The following LAMB4 variants were observed in gnomAD, a reference collection of about 807,000 sequenced individuals.
LAMB4 encodes the protein laminin subunit beta 4.
Under a neutral mutation model 199.2 loss-of-function variants are expected in LAMB4, and 196 were observed. That is an observed-to-expected ratio of 0.98 (90% CI 0.88 to 1.11). The LOEUF (loss-of-function observed/expected upper bound fraction) is 1.11. LAMB4 is among the 50% of genes least tolerant of loss of function. The pLI, the probability that LAMB4 is intolerant of heterozygous loss-of-function variation, is 0.00. For synonymous variants in LAMB4, 744 were observed against 770.6 expected (o/e 0.97, Z 0.57); for missense variants, 2,080 against 2,171.2 (o/e 0.96, Z 0.83).
At chr7:108,062,625 G>A (rs1405743749) in intron 23 of LAMB4, 149 bp downstream of exon 23, 2 of 436,840 alleles carry the variant, frequency 4.6e-6, no homozygotes, top group Non-Finnish European at 7.9e-6. Flanking sequence ...TTCCTTGATA[G>A]AGGCTGACTC....
chr7:108,097,262 T>C (rs2037643101), intron 11 of LAMB4, among the ~76,000 whole-genome samples: 2 of 152,166 alleles, frequency 1.3e-5, no homozygotes, highest in African/African-American at 2.4e-5. Context: ...TGGAAATTAT[T>C]TACCCAGGGT....
At position 108,084,599 on chromosome 7, in the gene LAMB4, T is replaced by C. The variant is rs117893134; in HGVS notation, c.1702-4813A>G. On this transcript the variant is annotated intron_variant, in intron 14 of 33. Transcript: ENST00000388781. ...ACACGGGCCAATGAACACAGAATTC[T>C]GGTGGACCTACTATGCCTGGGATTT... Among the ~76,000 whole-genome samples, 72 of 152,256 alleles carry C rather than the reference T, an allele frequency of 4.7e-4. 1 individual carries two copies. The East Asian group carries it at 0.011, about 23-fold the overall frequency.
intron 26 of LAMB4, 46 bp from the exon 27 acceptor site, chr7:108,049,577 T>C (rs372198808): frequency 1.0e-5 from 11 of 1,048,718 alleles, no homozygotes; most frequent in Non-Finnish European, 1.6e-5. Context: ...TGAAAACAAA[T>C]GAAATTATAT....
intron 11 of LAMB4, among the ~76,000 whole-genome samples, chr7:108,096,939 C>CAAAAAA (rs746917278): frequency 3.8e-5 from 2 of 52,834 alleles, no homozygotes; most frequent in Non-Finnish European, 6.5e-5. Flanking sequence ...CTGTCTCTCT[C>CAAAAAA]AAAAAAAAAA....
At chr7:108,066,347 A>G (rs748109228) in intron 20 of LAMB4, 22 bp downstream of exon 20, 8 of 1,562,338 alleles carry the variant, frequency 5.1e-6, no homozygotes, top group Non-Finnish European at 6.2e-6. Flanking sequence ...CCTAAAAATT[A>G]AAGTGCATAT....
At chr7:108,048,495 A>G (rs17134747) in intron 27 of LAMB4, among the ~76,000 whole-genome samples, 6,740 of 152,114 alleles carry the variant, frequency 0.044, 334 homozygotes, top group African/African-American at 0.13. Flanking sequence ...CCTTGAGTCA[A>G]GGCACTGCTT....
intron 6 of LAMB4, 79 bp downstream of exon 6, chr7:108,107,552 C>A (rs760697297): frequency 1.6e-5 from 19 of 1,152,734 alleles, no homozygotes; most frequent in Non-Finnish European, 2.2e-5. Context: ...TAAACACTAT[C>A]GAAAGTTTTT....
At chr7:108,119,161 G>A (rs995839448) in intron 2 of LAMB4, among the ~76,000 whole-genome samples, 10 of 152,190 alleles carry the variant, frequency 6.6e-5, no homozygotes, top group Non-Finnish European at 1.3e-4. Context: ...AGGATGTGAA[G>A]ATCCCGCATA....
chr7:108,033,204 C>G lies in LAMB4; in HGVS notation c.4818+1004G>C, dbSNP rs183467421. On this transcript the variant is annotated intron_variant, in intron 31 of 33. Coordinates refer to ENST00000388781, the MANE Select transcript of LAMB4 (RefSeq NM_007356.3). ...TTATACTTTGTGGCCTATAAAGTCTCTATCCCAAATATTTAACTCTCTGTC... is the reference window on the plus strand; with the variant it reads ...TTATACTTTGTGGCCTATAAAGTCTGTATCCCAAATATTTAACTCTCTGTC... Among the ~76,000 whole-genome samples the G allele has an allele frequency of 3.0e-3, 458 of 152,288 alleles. 5 individuals carry two copies. The highest frequency in any genetic ancestry group is 0.011 in the African/African-American group (439 of 41,546).
At chr7:108,081,384 T>C (rs1563074604) in intron 14 of LAMB4, among the ~76,000 whole-genome samples, 2 of 152,224 alleles carry the variant, frequency 1.3e-5, no homozygotes, top group African/African-American at 4.8e-5. Flanking sequence ...TTGCCTCCAG[T>C]GTATGCCCCT....
At chr7:108,063,698 A>G in intron 22 of LAMB4, 63 bp downstream of exon 22, 1 of 1,400,772 alleles carries the variant, frequency 7.1e-7, no homozygotes, top group Non-Finnish European at 1.0e-6. Context: ...GGGAGAGCTG[A>G]CAACACACTT....
rs143925899 is a variant in LAMB4, at chr7:108,038,882, G to C, written c.4472-1287C>G. Among the ~76,000 whole-genome samples, 174 of 152,214 alleles carry C rather than the reference G, an allele frequency of 1.1e-3. 2 individuals are homozygous for C. In the East Asian group the frequency reaches 0.029, roughly 25 times the overall value. On this transcript the variant is annotated intron_variant, in intron 29 of 33. Transcript: ENST00000388781. ...CTAGACAAGGATCTTATCCTCAGGG[G>C]GCTTGCCGTCAGGTGAGGACCTATA...
chr7:108,116,118 AC>A lies in LAMB4; in HGVS notation c.77del (p.Gly26ValfsTer26), dbSNP rs867392473. ...YSKAQDDCNR[G>X]ACHPTTGDLL... ...GATCACCAGTGGTGGGATGACAGGC[AC>A]CCCTGTTGCAGTCATCTTGAGCTTT... On this transcript the variant is annotated frameshift_variant, in exon 3 of 34. Coordinates refer to ENST00000388781, the MANE Select transcript of LAMB4 (RefSeq NM_007356.3). LOFTEE classifies it high-confidence loss of function. 3.7e-6 allele frequency: 6 copies of A among 1,613,856 alleles called. No individual in the cohort carries two copies. The highest frequency in any genetic ancestry group is 3.3e-5 in the Admixed American group (2 of 59,978).
Position 108,078,277 on chromosome 7 carries a change from G to A in LAMB4, c.1927C>T (p.Pro643Ser), listed in dbSNP as rs754438319. The A allele has an allele frequency of 6.5e-5, 104 of 1,610,346 alleles. No homozygotes were observed. The highest frequency in any genetic ancestry group is 8.7e-5 in the Non-Finnish European group (102 of 1,178,536). ...DWTVQIVVNP[P>S]GGSEHCIPKT... ...GGTATGCAGTGCTCACTCCCTCCAGGGGGGTTCACCACAATCTGGACAGTC... is the reference window on the plus strand; with the variant it reads ...GGTATGCAGTGCTCACTCCCTCCAGAGGGGTTCACCACAATCTGGACAGTC... The change falls in exon 16 of 34, where the codon CCT becomes TCT. Residue 643 changes from proline (P) to serine (S), a missense_variant. Physicochemically the swap from Pro to Ser is moderately conservative, Grantham distance 74. Transcript: ENST00000388781.
At chr7:108,128,686 AC>A (rs897886717) in intron 1 of LAMB4, among the ~76,000 whole-genome samples, 10 of 152,216 alleles carry the variant, frequency 6.6e-5, no homozygotes, top group African/African-American at 2.4e-4. Flanking sequence ...CCACAGCTGC[AC>A]ATACAGCGCA....
At chr7:108,069,285 C>T (rs1164337149) in intron 18 of LAMB4, among the ~76,000 whole-genome samples, 1 of 152,216 alleles carries the variant, frequency 6.6e-6, no homozygotes, top group Non-Finnish European at 1.5e-5. Context: ...CAGGCCCCCG[C>T]AGCAAAGAAT....
In LAMB4 at chr7:108,034,308, A is replaced by G. The variant is rs1208504686; in HGVS notation, c.4718T>C (p.Leu1573Ser). 2.5e-6 allele frequency: 4 copies of G among 1,612,362 alleles called. No homozygotes were observed. The highest frequency in any genetic ancestry group is 3.3e-5 in the Admixed American group (2 of 60,004). The change falls in exon 31 of 34, where the codon TTG (leucine) becomes TCG (serine). Residue 1573 changes from leucine (L) to serine (S), a missense_variant. Physicochemically the swap from Leu to Ser is moderately radical, Grantham distance 145. Transcript: ENST00000388781. Reference protein sequence around the residue: ...ANILLNLDKTLNQLQQAQITQ... With the variant: ...ANILLNLDKTSNQLQQAQITQ... ...GATTTGAGCTTGTTGTAACTGGTTC[A>G]ATGTTTTGTCAAGATTTAATAGAAT...
intron 11 of LAMB4, among the ~76,000 whole-genome samples, chr7:108,097,580 C>CA (rs1191014948): frequency 5.3e-5 from 8 of 152,112 alleles, no homozygotes; most frequent in Admixed American, 1.3e-4. Context: ...GGTCAGGAGA[C>CA]AGAGACCATC....
In LAMB4 at chr7:108,107,293, G is replaced by T. The variant is rs73426811; in HGVS notation, c.591+338C>A. ...CCTGGGGTGGTGGTTTACAGAGTAT[G>T]GGGATGAGATAGCTAATGTCAGGCT... On this transcript the variant is annotated intron_variant, in intron 6 of 33. Transcript: ENST00000388781. Among the ~76,000 whole-genome samples, 900 of 152,320 alleles carry T rather than the reference G, an allele frequency of 5.9e-3. 13 individuals carry two copies. The highest frequency in any genetic ancestry group is 0.02 in the African/African-American group (850 of 41,572).
Sources: allele counts gnomAD v4.1 joint callset (sites outside exome capture counted in the v4.1 genomes callset), GRCh38; gene constraint gnomAD v4.1.1; transcripts MANE v1.5; gene names NCBI Gene and HGNC (gene_info 2026-07-23, HGNC 2026-07-21).